The following SUN1 variants were observed in gnomAD, a reference collection of about 807,000 sequenced individuals.
The protein encoded by SUN1 is SUN domain-containing protein 1.
A neutral mutation model predicts 103.2 loss-of-function variants in SUN1; 61 were observed. The ratio of observed to expected loss-of-function variants is 0.59; its 90% CI spans 0.48 to 0.73. The LOEUF (loss-of-function observed/expected upper bound fraction) is 0.73. Among genes scored for constraint, SUN1 ranks in the 30% least tolerant of loss-of-function variants. The pLI is 0.00. For synonymous variants in SUN1, 490 were observed against 425.7 expected (o/e 1.15, Z -1.86); for missense variants, 1,052 against 1,034.6 (o/e 1.02, Z -0.23).
intron 1 of SUN1, among the ~76,000 whole-genome samples, chr7:822,607 C>G (rs1442178538): frequency 8.7e-6 from 1 of 114,354 alleles, no homozygotes; most frequent in East Asian, 2.5e-4. Flanking sequence ...GTATGAAAAA[C>G]AGATGATTTT....
intron 1 of SUN1, among the ~76,000 whole-genome samples, chr7:826,219 C>A (rs192097573): frequency 1.3e-5 from 2 of 150,904 alleles, no homozygotes; most frequent in East Asian, 3.9e-4. Flanking sequence ...CAGAATGAGA[C>A]CCTGTCTCTT....
At position 819,777 on chromosome 7, in the gene SUN1, C is replaced by T. The variant is rs190731719; in HGVS notation, c.-74+3104C>T. 2.5e-3 allele frequency among the ~76,000 whole-genome samples: 371 copies of T among 147,742 alleles called. 5 individuals carry two copies. Among genetic ancestry groups the T allele is most frequent in the African/African-American group, 8.7e-3 (347 of 39,832 alleles). On this transcript the variant is annotated intron_variant, in intron 1 of 17. Transcript: ENST00000389574. ...AGGCTGGAGTGCAGTGGCGTGATCT[C>T]GGCTCACTGCAACCTCCGCCTCCCA...
At chr7:817,505 C>A (rs1241661226) in intron 1 of SUN1, 1 of 1,535,862 alleles carries the variant, frequency 6.5e-7, no homozygotes, top group African/African-American at 1.4e-5. Flanking sequence ...GACAGGTGGG[C>A]GGTGCGGTCC....
intron 5 of SUN1, among the ~76,000 whole-genome samples, chr7:848,811 T>C (rs7781617): frequency 0.78 from 118,408 of 152,146 alleles, 46,218 homozygotes; most frequent in Admixed American, 0.83. Context: ...GTGTGTGGTT[T>C]GGTTCCCTCA....
At position 841,952 on chromosome 7, in the gene SUN1, A is replaced by G. The variant is rs767433187; in HGVS notation, c.273A>G (p.Thr91=). The G allele has an allele frequency of 1.2e-6, 2 of 1,614,138 alleles. No individual in the cohort carries two copies. The highest frequency in any genetic ancestry group is 2.2e-5 in the South Asian group (2 of 91,078). ...VSLKNRAART[T]KQRRSTNKSA... ...TGTTTTTTTTTCTTCTTAGAACAAC[A>G]AAACAGCGCAGAAGCACAAACAAAT... Residue 91 remains threonine, a synonymous_variant, in exon 3 of 19, where the codon ACA becomes ACG. Transcript: ENST00000401592.
rs577391634 is a variant in SUN1 at position 867,467 on chromosome 7, C to T, written c.1980+1400C>T. On this transcript the variant is annotated intron_variant, in intron 16 of 18. Transcript: ENST00000401592. ...CACAGGGCTTGGTGATCCTGACCCT[C>T]CCAGAGGAGCTCACTGGCCTGCAGT... is the stretch of plus-strand genomic sequence containing the variant. 9.2e-5 allele frequency among the ~76,000 whole-genome samples: 14 copies of T among 152,340 alleles called. No homozygotes were observed. The East Asian group carries it at 2.7e-3, about 29-fold the overall frequency.
intron 1 of SUN1, among the ~76,000 whole-genome samples, chr7:826,337 G>A (rs1402070085): frequency 1.3e-5 from 2 of 152,260 alleles, no homozygotes; most frequent in Non-Finnish European, 2.9e-5. Flanking sequence ...GCGAAGATGA[G>A]GATTGAGCGA....
intron 7 of SUN1, chr7:852,359 G>A (rs1584880170): frequency 3.3e-6 from 2 of 603,748 alleles, no homozygotes; most frequent in East Asian, 2.8e-5. Context: ...GCTGTGATCC[G>A]AAGGGGCAGC....
At chr7:832,667 A>C in intron 1 of SUN1, 66 bp downstream of exon 1, 1 of 1,316,418 alleles carries the variant, frequency 7.6e-7, no homozygotes, top group Non-Finnish European at 1.1e-6. Flanking sequence ...GGTGGCGTGG[A>C]CCTTAACAGG....
chr7:819,964 C>T (rs1423900077), intron 1 of SUN1, among the ~76,000 whole-genome samples: 1 of 152,144 alleles, frequency 6.6e-6, no homozygotes, highest in Admixed American at 6.5e-5. Flanking sequence ...CCTCGGCCTC[C>T]CAGTGCCATA....
At chr7:848,255 T>C (rs1243589755) in intron 5 of SUN1, among the ~76,000 whole-genome samples, 7 of 152,202 alleles carry the variant, frequency 4.6e-5, no homozygotes, top group Non-Finnish European at 8.8e-5. Flanking sequence ...CAGCACCCTC[T>C]CCAGGGTCCC....
rs748294659 is a variant in SUN1 at position 852,911 on chromosome 7, G to A, written c.1012G>A (p.Val338Met). 4.3e-6 allele frequency: 7 copies of A among 1,613,912 alleles called. No individual in the cohort carries two copies. Among genetic ancestry groups the A allele is most frequent in the African/African-American group, 2.7e-5 (2 of 74,908 alleles). The change falls in exon 9 of 19, where the codon GTG (valine) becomes ATG (methionine). Residue 338 changes from valine to methionine, a missense_variant. This residue lies in a region of SUN1 where 846 missense variants were observed against 774.5 expected (regional missense o/e 1.09). Coordinates refer to ENST00000401592, the MANE Select transcript of SUN1 (RefSeq NM_001130965.3). ...ACAGCGGGTGGATGACCCCCAGGACGTGTTTAAACCCACGACTTCTCGCCT... is the reference window on the plus strand; with the variant it reads ...ACAGCGGGTGGATGACCCCCAGGACATGTTTAAACCCACGACTTCTCGCCT... Reference protein sequence around the residue: ...RTQRVDDPQDVFKPTTSRLKQ... With the variant: ...RTQRVDDPQDMFKPTTSRLKQ...
At chr7:852,510 G>C in intron 7 of SUN1, 99 bp from the exon 8 acceptor site, 3 of 1,369,222 alleles carry the variant, frequency 2.2e-6, no homozygotes, top group Non-Finnish European at 3.1e-6. Flanking sequence ...TAATACTGGG[G>C]GGGTGGATTT....
At chr7:849,817 A>C in intron 5 of SUN1, 1 of 1,262,334 alleles carries the variant, frequency 7.9e-7, no homozygotes, top group South Asian at 1.3e-5. Context: ...TCTCGTGTGT[A>C]ATTGAGTTTC....
intron 16 of SUN1, among the ~76,000 whole-genome samples, chr7:867,474 G>C (rs1475563354): frequency 6.6e-6 from 1 of 152,222 alleles, no homozygotes; most frequent in Non-Finnish European, 1.5e-5. Context: ...CCTCCCAGAG[G>C]AGCTCACTGG....
At position 869,465 on chromosome 7, in the gene SUN1, G is replaced by A. The variant is rs564651908; in HGVS notation, c.2097G>A (p.Thr699=). 18 of 1,613,770 alleles carry A rather than the reference G, an allele frequency of 1.1e-5. No individual in the cohort carries two copies. The highest frequency in any genetic ancestry group is 4.5e-5 in the East Asian group (2 of 44,870). ...AAFTLEHIPK[T]LSPTGNISSA... Reference sequence around the variant, plus strand: ...TCACTCTGGAGCACATCCCTAAGACGCTGTCGCCAACAGGCAACATCAGCA... The same window carrying A: ...TCACTCTGGAGCACATCCCTAAGACACTGTCGCCAACAGGCAACATCAGCA... Residue 699 remains threonine, a synonymous_variant, in exon 17 of 19, where the codon ACG becomes ACA. Transcript: ENST00000401592.
At chr7:836,469 TC>T (rs1193354550) in intron 1 of SUN1, among the ~76,000 whole-genome samples, 1 of 152,152 alleles carries the variant, frequency 6.6e-6, no homozygotes, top group Admixed American at 6.6e-5. Flanking sequence ...TGGTGTAAGT[TC>T]CAGGCCAAGT....
rs1296402515 is a variant in SUN1 at position 851,457 on chromosome 7, C to A, written c.732C>A (p.Ala244=). 1 of 1,608,894 alleles carries A rather than the reference C, an allele frequency of 6.2e-7. No homozygotes were observed. The highest frequency in any genetic ancestry group is 8.5e-7 in the Non-Finnish European group (1 of 1,177,772). ...GQAVSRTAWS[A]LWLAVVAPGK... Reference sequence around the variant, plus strand: ...CTGTGTCCAGGACGGCGTGGTCGGCCCTTTGGCTGGCCGTGGTTGCTCCAG... The same window carrying A: ...CTGTGTCCAGGACGGCGTGGTCGGCACTTTGGCTGGCCGTGGTTGCTCCAG... Residue 244 remains alanine (A), a synonymous_variant, in exon 6 of 19, where the codon GCC becomes GCA. Coordinates refer to ENST00000401592, the MANE Select transcript of SUN1 (RefSeq NM_001130965.3).
In SUN1 at chr7:874,884, GT is replaced by G. The variant is rs1843482729; in HGVS notation, c.*1557del. On this transcript the variant is annotated 3_prime_UTR_variant, in exon 19 of 19. Coordinates refer to ENST00000401592, the MANE Select transcript of SUN1 (RefSeq NM_001130965.3). ...TGCTATTAAGAGGTTTAAATAAAGA[GT>G]TTTAATTTTTAAAAGGGCATGGGAT... The G allele has an allele frequency of 6.6e-6, 1 of 152,226 alleles. No homozygotes were observed. Among genetic ancestry groups the G allele is most frequent in the South Asian group, 2.1e-4 (1 of 4,836 alleles). 9.4% of individuals were successfully genotyped at this position (152,226 alleles called of 1,614,324 possible).
Sources: gnomAD v4.1 joint callset for allele counts (sites outside exome capture counted in the v4.1 genomes callset) on GRCh38, gnomAD v4.1.1 for gene constraint, gnomAD v4.1.1 regional missense constraint, MANE v1.5 for transcripts, NCBI Gene and HGNC (gene_info 2026-07-23, HGNC 2026-07-21) for gene names.